The following WDR26 variants were observed in gnomAD, a reference collection of about 807,000 sequenced individuals.
WDR26 encodes the protein WD repeat domain 26, also known as WD repeat-containing protein 26.
In WDR26, 5 loss-of-function variants were observed where a neutral mutation model predicts 84.1. That is an observed-to-expected ratio of 0.06 (90% CI 0.03 to 0.13). The LOEUF (loss-of-function observed/expected upper bound fraction) is 0.13. Ranked by LOEUF, WDR26 falls within the 10% of genes least tolerant of loss-of-function variation. The pLI, the probability that WDR26 is intolerant of heterozygous loss-of-function variation, is 1.00. For missense variants in WDR26, 642 were observed against 974.9 expected (o/e 0.66, Z 4.55); for synonymous variants, 415 against 389.6 (o/e 1.07, Z -0.77).
chr1:224,415,001 T>C (rs1673853265), intron 6 of WDR26, among the ~76,000 whole-genome samples: 1 of 152,206 alleles, frequency 6.6e-6, no homozygotes, highest in African/African-American at 2.4e-5. Context: ...GGCAAGATCA[T>C]GTGTTGAATA....
intron 9 of WDR26, among the ~76,000 whole-genome samples, chr1:224,400,268 G>A (rs1484436720): frequency 1.3e-5 from 2 of 148,168 alleles, no homozygotes; most frequent in African/African-American, 5.0e-5. Context: ...ATATTAAAGG[G>A]AGTCTACTCA....
At chr1:224,433,579 C>T (rs887601044) in intron 1 of WDR26, 105 bp downstream of exon 1, 116 of 1,386,762 alleles carry the variant, frequency 8.4e-5, no homozygotes, top group Admixed American at 1.4e-4. Context: ...TTCTCTTTGA[C>T]CGAGCTCTTT....
chr1:224,408,338 T>C (rs1050522594), intron 7 of WDR26, among the ~76,000 whole-genome samples: 2 of 152,222 alleles, frequency 1.3e-5, no homozygotes, highest in Non-Finnish European at 2.9e-5. Flanking sequence ...TGAGCTCCTG[T>C]AGCACCCACT....
chr1:224,427,526 C>T (rs1674264720), intron 3 of WDR26, among the ~76,000 whole-genome samples: 1 of 152,056 alleles, frequency 6.6e-6, no homozygotes, highest in Non-Finnish European at 1.5e-5. Flanking sequence ...CCAATATAAA[C>T]ACATATTTCT....
At position 224,426,867 on chromosome 1, in the gene WDR26, C is replaced by T. The variant is rs189684882; in HGVS notation, c.928-2213G>A. On this transcript the variant is annotated intron_variant, in intron 3 of 13. Coordinates refer to ENST00000414423, the MANE Select transcript of WDR26 (RefSeq NM_001379403.1). ...ATCCCAGCACTTTGGGAGGCTGAGG[C>T]GGGTGGATCACGAGGTCAGCAGTTC... 7.1e-3 allele frequency among the ~76,000 whole-genome samples: 1,078 copies of T among 151,276 alleles called. 4 individuals carry two copies. The highest frequency in any genetic ancestry group is 0.012 in the Non-Finnish European group (818 of 67,808).
chr1:224,404,164 A>G (rs2102897508), intron 8 of WDR26, among the ~76,000 whole-genome samples: 1 of 152,306 alleles, frequency 6.6e-6, no homozygotes. Flanking sequence ...TTCTTTCTGA[A>G]GAACCACAGT....
At chr1:224,432,832 C>T (rs556932971) in intron 1 of WDR26, among the ~76,000 whole-genome samples, 11 of 152,324 alleles carry the variant, frequency 7.2e-5, no homozygotes, top group African/African-American at 2.6e-4. Flanking sequence ...GGCACTCCCA[C>T]CAATCCTACC....
At chr1:224,396,922 G>T (rs903307545) in intron 12 of WDR26, among the ~76,000 whole-genome samples, 3 of 150,072 alleles carry the variant, frequency 2.0e-5, no homozygotes, top group Admixed American at 6.7e-5. Context: ...AAAAGAAAAG[G>T]AATAGATGAA....
intron 12 of WDR26, 72 bp from the exon 13 acceptor site, chr1:224,394,085 C>A: frequency 8.4e-7 from 1 of 1,189,840 alleles, no homozygotes; most frequent in South Asian, 2.5e-5. Context: ...ATTTATCATT[C>A]ACTACACACA....
chr1:224,398,258 C>T (rs1673315863), intron 11 of WDR26, 32 bp from the exon 12 acceptor site: 2 of 1,590,418 alleles, frequency 1.3e-6, no homozygotes, highest in Non-Finnish European at 8.5e-7. Context: ...GATATTTAAT[C>T]TGCCTCAACT....
intron 4 of WDR26, 37 bp downstream of exon 4, chr1:224,424,481 C>T: frequency 6.3e-7 from 1 of 1,594,296 alleles, no homozygotes; most frequent in Non-Finnish European, 8.5e-7. Context: ...AACTTTGGCC[C>T]TCCATTAACC....
At chr1:224,404,899 TATA>T (rs1298262303) in intron 7 of WDR26, among the ~76,000 whole-genome samples, 2 of 152,204 alleles carry the variant, frequency 1.3e-5, no homozygotes, top group African/African-American at 4.8e-5. Context: ...AACAGATGGG[TATA>T]ATAAGAGCTA....
Position 224,434,302 on chromosome 1 carries a change from G to A in WDR26, c.104C>T (p.Ala35Val). Residue 35 changes from alanine to valine, a missense_variant, in exon 1 of 14, where the codon GCG (alanine) becomes GTG (valine). Around this residue, in one of 2 missense-constraint regions of WDR26, gnomAD observed 291 missense variants for 302.1 expected, o/e 0.96. Coordinates refer to ENST00000414423, the MANE Select transcript of WDR26 (RefSeq NM_001379403.1). ...CCCGGGCTCTCCTACTCCCTCCGCCGCCGAGGCTCGGGGTTTCTTCCGCGG... is the reference window on the plus strand; with the variant it reads ...CCCGGGCTCTCCTACTCCCTCCGCCACCGAGGCTCGGGGTTTCTTCCGCGG... The A allele has an allele frequency of 3.2e-6, 4 of 1,234,458 alleles. No individual in the cohort carries two copies. Among genetic ancestry groups the A allele is most frequent in the East Asian group, 3.1e-5 (1 of 31,802 alleles). The allele number at this position is 1,234,458 out of a possible 1,614,324, so 76.5% of individuals were successfully genotyped here.
chr1:224,404,285 T>C (rs1199652701), intron 8 of WDR26, 145 bp downstream of exon 8: 1 of 921,376 alleles, frequency 1.1e-6, no homozygotes, highest in Non-Finnish European at 1.5e-6. Context: ...ATCTGGAAAC[T>C]TGGGTTCCAC....
chr1:224,413,207 A>AT, intron 6 of WDR26: 5 of 645,278 alleles, frequency 7.7e-6, no homozygotes, highest in Non-Finnish European at 8.3e-6. Flanking sequence ...AACAACAAAA[A>AT]CCCCCCCCCC....
chr1:224,427,323 ATT>A (rs1320158354), intron 3 of WDR26, among the ~76,000 whole-genome samples: 1 of 151,382 alleles, frequency 6.6e-6, no homozygotes, highest in Non-Finnish European at 1.5e-5. Flanking sequence ...CTTAATATTT[ATT>A]TTTTTTGGTA....
intron 3 of WDR26, chr1:224,429,344 CATTCAGGCTTA>C (rs1288000579): frequency 4.0e-5 from 6 of 149,824 alleles, no homozygotes; most frequent in Non-Finnish European, 8.9e-5. Flanking sequence ...TCAATGAAAA[CATTCAGGCTTA>C]AAAAATAAAG....
chr1:224,409,078 T>C (rs1183474840), intron 7 of WDR26, among the ~76,000 whole-genome samples: 1 of 152,116 alleles, frequency 6.6e-6, no homozygotes, highest in African/African-American at 2.4e-5. Flanking sequence ...TAGTGGTGGG[T>C]AGTATACTAG....
intron 1 of WDR26, 77 bp downstream of exon 1, chr1:224,433,607 T>TCCCCCCCCCCCCCCCCCCCCCCCCCC: frequency 4.0e-6 from 1 of 250,554 alleles, no homozygotes. Context: ...CCCTCCCCCC[T>TCCCCCCCCCCCCCCCCCCCCCCCCCC]CCGCCCCTTC....
Sources: gnomAD v4.1 joint callset for allele counts (sites outside exome capture counted in the v4.1 genomes callset) on GRCh38, gnomAD v4.1.1 for gene constraint, gnomAD v4.1.1 regional missense constraint, MANE v1.5 for transcripts, NCBI Gene and HGNC (gene_info 2026-07-23, HGNC 2026-07-21) for gene names.